The following C2orf66 variants were observed in gnomAD, a reference collection of about 807,000 sequenced individuals.
C2orf66 encodes the protein uncharacterized protein C2orf66.
Under a neutral mutation model 7.0 loss-of-function variants are expected in C2orf66, and 6 were observed. The observed-to-expected ratio is 0.86, with a 90% confidence interval of 0.47 to 1.69. C2orf66 has a LOEUF of 1.69. Among genes scored for constraint, C2orf66 ranks in the 40% most tolerant of loss-of-function variants. The pLI, the probability that C2orf66 is intolerant of heterozygous loss-of-function variation, is 0.01. For missense variants in C2orf66, 107 were observed against 112.0 expected, an observed-to-expected ratio of 0.96 and a Z score of 0.20; for synonymous variants, 38 against 43.8, an observed-to-expected ratio of 0.87 and a Z score of 0.52.
chr2:196,817,229 T>C, the C2orf66 span, among the ~76,000 whole-genome samples: 1 of 141,654 alleles, frequency 7.1e-6, no homozygotes, highest in African/African-American at 2.8e-5. Flanking sequence ...GCAAGTATTG[T>C]CTTTTTTTTT....
At chr2:196,808,012 C>A (rs1032495233) in intron 1 of C2orf66, among the ~76,000 whole-genome samples, 1 of 152,190 alleles carries the variant, frequency 6.6e-6, no homozygotes, top group African/African-American at 2.4e-5. Flanking sequence ...GCAATAGTTT[C>A]TTTTCAGATT....
the C2orf66 span, among the ~76,000 whole-genome samples, chr2:196,828,703 C>A: frequency 6.6e-6 from 1 of 152,154 alleles, no homozygotes; most frequent in Non-Finnish European, 1.5e-5. Context: ...CAGAGGAAGT[C>A]AAAGAGATTC....
chr2:196,809,897 C>T (rs955053972), upstream of C2orf66: 2 of 152,204 alleles, frequency 1.3e-5, no homozygotes, highest in African/African-American at 4.8e-5. Flanking sequence ...GTAGAAAAGG[C>T]TAATAAAGCT....
chr2:196,819,521 G>A, the C2orf66 span, among the ~76,000 whole-genome samples: 1 of 152,198 alleles, frequency 6.6e-6, no homozygotes, highest in Non-Finnish European at 1.5e-5. Flanking sequence ...AGAAATGAAT[G>A]TCTGTTGTTC....
At chr2:196,823,626 C>CAAACAAATCAAAACA in the C2orf66 span, among the ~76,000 whole-genome samples, 1 of 150,370 alleles carries the variant, frequency 6.7e-6, no homozygotes, top group Non-Finnish European at 1.5e-5. Flanking sequence ...GACCCTGTCT[C>CAAACAAATCAAAACA]AAACAAAACA....
At chr2:196,806,239 C>G (rs1221180223) in intron 2 of C2orf66, among the ~76,000 whole-genome samples, 1 of 152,044 alleles carries the variant, frequency 6.6e-6, no homozygotes, top group African/African-American at 2.4e-5. Context: ...GCTCTGTCAC[C>G]CAGGCTGGAG....
chr2:196,810,700 T>A (rs1187696952), upstream of C2orf66, among the ~76,000 whole-genome samples: 3 of 152,220 alleles, frequency 2.0e-5, no homozygotes, highest in Non-Finnish European at 4.4e-5. Context: ...GGCTATAGTC[T>A]CAGTCTTGCC....
the C2orf66 span, among the ~76,000 whole-genome samples, chr2:196,828,228 TCTCACACACA>T: frequency 3.7e-3 from 470 of 127,386 alleles, 1 homozygote; most frequent in Middle Eastern, 0.02. Context: ...TCTCTCTCTC[TCTCACACACA>T]CACACACACA....
chr2:196,807,166 G>GGATTATAAATAATAAAA (rs1157656513), intron 2 of C2orf66, among the ~76,000 whole-genome samples: 1 of 152,084 alleles, frequency 6.6e-6, no homozygotes, highest in Non-Finnish European at 1.5e-5. Flanking sequence ...ATCCTATTAA[G>GGATTATAAATAATAAAA]AGATAATTCT....
intron 1 of C2orf66, 127 bp from the exon 2 acceptor site, chr2:196,807,749 A>C: frequency 2.7e-6 from 2 of 731,876 alleles, no homozygotes; most frequent in Non-Finnish European, 4.5e-6. Context: ...GAAATACAAA[A>C]TCTAGAAATA....
the C2orf66 span, among the ~76,000 whole-genome samples, chr2:196,817,171 G>C: frequency 6.6e-6 from 1 of 151,804 alleles, no homozygotes; most frequent in South Asian, 2.1e-4. Flanking sequence ...ACAAAGCAAA[G>C]GGCAAAAGCA....
upstream of C2orf66, chr2:196,810,225 T>C (rs912457991): frequency 6.6e-6 from 1 of 152,214 alleles, no homozygotes; most frequent in East Asian, 1.9e-4. Context: ...CTTTTTTACT[T>C]TTAAGGGAAG....
the C2orf66 span, among the ~76,000 whole-genome samples, chr2:196,818,510 G>A: frequency 2.0e-5 from 3 of 152,212 alleles, no homozygotes; most frequent in Admixed American, 6.5e-5. Context: ...TAGTAAGAGA[G>A]AGCCAGCCAA....
upstream of C2orf66, among the ~76,000 whole-genome samples, chr2:196,813,365 G>T (rs1699893845): frequency 6.6e-6 from 1 of 152,174 alleles, no homozygotes; most frequent in African/African-American, 2.4e-5. Context: ...TGGGAAAACT[G>T]GCTAGCCATA....
At chr2:196,828,610 G>A in the C2orf66 span, among the ~76,000 whole-genome samples, 5 of 152,090 alleles carry the variant, frequency 3.3e-5, no homozygotes, top group Non-Finnish European at 7.4e-5. Flanking sequence ...TTGACTTTGA[G>A]TTAATCAACT....
chr2:196,828,922 T>C, the C2orf66 span, among the ~76,000 whole-genome samples: 5 of 152,178 alleles, frequency 3.3e-5, no homozygotes, highest in African/African-American at 9.7e-5. Context: ...TCATTGCTCA[T>C]TGTGAGACTC....
chr2:196,823,626 C>CAAACAAAACAAAACAAAACA, the C2orf66 span, among the ~76,000 whole-genome samples: 5,739 of 150,446 alleles, frequency 0.038, 346 homozygotes, highest in African/African-American at 0.12. Flanking sequence ...GACCCTGTCT[C>CAAACAAAACAAAACAAAACA]AAACAAAACA....
chr2:196,831,313 C>T, the C2orf66 span, among the ~76,000 whole-genome samples: 1 of 152,280 alleles, frequency 6.6e-6, no homozygotes, highest in East Asian at 1.9e-4. Context: ...CGAAAAGGCC[C>T]AACCACCAAG....
the C2orf66 span, among the ~76,000 whole-genome samples, chr2:196,828,097 G>GA: frequency 6.6e-6 from 1 of 152,060 alleles, no homozygotes; most frequent in African/African-American, 2.4e-5. Flanking sequence ...ACAGTAAAAT[G>GA]ATTCAGCTCA....
Sources: allele counts gnomAD v4.1 joint callset (sites outside exome capture counted in the v4.1 genomes callset), GRCh38; gene constraint gnomAD v4.1.1; transcripts MANE v1.5; gene names NCBI Gene and HGNC (gene_info 2026-07-23, HGNC 2026-07-21).